Variants in FAM169A observed in about 807,000 individuals in gnomAD.
FAM169A encodes the protein family with sequence similarity 169 member A.
Under a neutral mutation model 75.7 loss-of-function variants are expected in FAM169A, and 24 were observed. The observed-to-expected ratio is 0.32, with a 90% CI of 0.23 to 0.45. FAM169A has a LOEUF of 0.45. Ranked by LOEUF, FAM169A falls within the 20% of genes least tolerant of loss-of-function variation. FAM169A has a pLI of 1.00. For missense variants in FAM169A, 673 were observed against 784.0 expected (o/e 0.86, Z 1.69); for synonymous variants, 271 against 271.0 (o/e 1.00, Z 0.00).
chr5:74,832,519 ATCT>A (rs1460329616), intron 5 of FAM169A, among the ~76,000 whole-genome samples: 8 of 151,538 alleles, frequency 5.3e-5, no homozygotes, highest in South Asian at 2.1e-4. Context: ...TCAACTACAA[ATCT>A]TCTTAATAAA....
chr5:74,836,362 A>G (rs1748574510), intron 4 of FAM169A, among the ~76,000 whole-genome samples: 1 of 152,150 alleles, frequency 6.6e-6, no homozygotes, highest in East Asian at 1.9e-4. Context: ...TAGCTCCTCC[A>G]TTCAGCACAG....
chr5:74,828,784 T>C (rs1342525432), intron 5 of FAM169A, among the ~76,000 whole-genome samples: 1 of 152,238 alleles, frequency 6.6e-6, no homozygotes, highest in Non-Finnish European at 1.5e-5. Context: ...CACTTCGTCA[T>C]GTGGGATTTA....
intron 11 of FAM169A, among the ~76,000 whole-genome samples, chr5:74,794,720 A>G (rs956011149): frequency 1.3e-5 from 2 of 149,200 alleles, no homozygotes; most frequent in Non-Finnish European, 3.0e-5. Flanking sequence ...CAGAGCTTGC[A>G]GTGAGCCGAG....
intron 5 of FAM169A, among the ~76,000 whole-genome samples, chr5:74,818,769 A>AGCTC: frequency 7.8e-6 from 1 of 128,308 alleles, no homozygotes; most frequent in Middle Eastern, 3.8e-3. Flanking sequence ...ACGGTTTCAC[A>AGCTC]GCTCTCTCTC....
At chr5:74,795,151 G>A (rs1322875649) in intron 11 of FAM169A, among the ~76,000 whole-genome samples, 2 of 151,680 alleles carry the variant, frequency 1.3e-5, no homozygotes, top group Non-Finnish European at 2.9e-5. Flanking sequence ...CCAGCTACTT[G>A]GAAGACTGAG....
Position 74,783,139 on chromosome 5 carries a change from AC to A in FAM169A, c.1261-6del. ...CATAGGCTCTAATTCAGATTCCTAC[AC>A]CATGAGGAGAGAGGGAAAAAGTAAG... On this transcript the variant is annotated splice_polypyrimidine_tract_variant and splice_region_variant and intron_variant, in intron 11 of 12. Transcript: ENST00000687041. The A allele has an allele frequency of 6.3e-7, 1 of 1,599,792 alleles. No individual in the cohort carries two copies. The highest frequency in any genetic ancestry group is 8.5e-7 in the Non-Finnish European group (1 of 1,170,372).
intron 5 of FAM169A, among the ~76,000 whole-genome samples, chr5:74,824,050 G>A (rs141732247): frequency 7.9e-5 from 12 of 152,194 alleles, no homozygotes; most frequent in Admixed American, 2.0e-4. Context: ...GAAAGCTGAC[G>A]AGTAAATGTG....
In FAM169A at chr5:74,781,440, T is replaced by C. The variant is rs768617020; in HGVS notation, c.*20A>G. 1.1e-5 allele frequency: 18 copies of C among 1,595,230 alleles called. No individual in the cohort carries two copies. The highest frequency in any genetic ancestry group is 1.4e-5 in the Non-Finnish European group (16 of 1,166,796). ...ACTATGTTACAAAGAAGAGGATTTA[T>C]CATCCACTTTCTTCTTCCTTCAGGT... is the stretch of plus-strand genomic sequence containing the variant. On this transcript the variant is annotated 3_prime_UTR_variant, in exon 13 of 13. Transcript: ENST00000687041.
rs767613853 is a variant in FAM169A at position 74,841,641 on chromosome 5, G to A, written c.36C>T (p.Ser12=). 8.7e-6 allele frequency: 14 copies of A among 1,612,508 alleles called. No homozygotes were observed. The highest frequency in any genetic ancestry group is 1.2e-5 in the Non-Finnish European group (14 of 1,179,054). The change falls in exon 2 of 13, where the codon AGC becomes AGT. Residue 12 remains serine, a synonymous_variant. Transcript: ENST00000687041. ...CAGCAGAATTTTCCAATTCCTCATG[G>A]CTGCAATTTTCCAGCATATCCACAG... ...AFPVDMLENC[S]HEELENSAED... is the part of the protein sequence containing the mutation.
In FAM169A at chr5:74,783,146, G is replaced by A. The variant is rs1351803879; in HGVS notation, c.1261-12C>T. ...TCTAATTCAGATTCCTACACCATGA[G>A]GAGAGAGGGAAAAAGTAAGGACATG... On this transcript the variant is annotated splice_polypyrimidine_tract_variant and intron_variant, in intron 11 of 12. Transcript: ENST00000687041. 1.3e-6 allele frequency: 2 copies of A among 1,584,972 alleles called. No individual in the cohort carries two copies. The highest frequency in any genetic ancestry group is 1.4e-5 in the African/African-American group (1 of 73,900).
Position 74,778,627 on chromosome 5 carries a change from T to C in FAM169A, c.*2833A>G, listed in dbSNP as rs556702373. On this transcript the variant is annotated 3_prime_UTR_variant, in exon 13 of 13. Transcript: ENST00000687041. ...AAATCATAATAGACCCTCTCACCTT[T>C]AAAAGTTGTAGAGGAGCTTTATAAT... 2.4e-4 allele frequency: 36 copies of C among 152,192 alleles called. No homozygotes were observed. Among genetic ancestry groups the C allele is most frequent in the African/African-American group, 8.4e-4 (35 of 41,578 alleles). 9.4% of individuals were successfully genotyped at this position (152,192 alleles called of 1,614,324 possible).
intron 5 of FAM169A, among the ~76,000 whole-genome samples, chr5:74,829,949 C>T (rs1315517640): frequency 6.6e-6 from 1 of 151,984 alleles, no homozygotes; most frequent in Non-Finnish European, 1.5e-5. Flanking sequence ...CTCCAGCCAG[C>T]CTGGTGACAG....
chr5:74,822,351 A>G (rs1747806516), intron 5 of FAM169A, among the ~76,000 whole-genome samples: 1 of 152,228 alleles, frequency 6.6e-6, no homozygotes, highest in Non-Finnish European at 1.5e-5. Context: ...ATGTAGTTGT[A>G]ACAGTGACTG....
intron 5 of FAM169A, among the ~76,000 whole-genome samples, chr5:74,829,789 C>T (rs995136729): frequency 2.6e-5 from 4 of 152,184 alleles, no homozygotes; most frequent in African/African-American, 7.2e-5. Flanking sequence ...GCTTGACCAA[C>T]ATGGTGAAAC....
At chr5:74,857,406 C>T (rs1749766787) in intron 1 of FAM169A, among the ~76,000 whole-genome samples, 1 of 151,216 alleles carries the variant, frequency 6.6e-6, no homozygotes, top group Admixed American at 6.6e-5. Context: ...CAAAAAATTA[C>T]AGGCCATGGT....
chr5:74,785,060 G>C (rs532947391), intron 11 of FAM169A, among the ~76,000 whole-genome samples: 1 of 151,940 alleles, frequency 6.6e-6, no homozygotes, highest in South Asian at 2.1e-4. Context: ...CGTGGCTCAC[G>C]CCTATAATCC....
At chr5:74,815,706 A>G (rs527848790) in intron 5 of FAM169A, among the ~76,000 whole-genome samples, 10 of 152,304 alleles carry the variant, frequency 6.6e-5, no homozygotes, top group African/African-American at 2.2e-4. Context: ...CACAAGATGC[A>G]GGTCATAAAC....
chr5:74,847,227 T>C (rs549132186), intron 1 of FAM169A, among the ~76,000 whole-genome samples: 17 of 152,260 alleles, frequency 1.1e-4, no homozygotes, highest in Middle Eastern at 3.4e-3. Context: ...AGCACCACTA[T>C]CCATTTCCAG....
intron 5 of FAM169A, among the ~76,000 whole-genome samples, chr5:74,831,706 G>A (rs1405110299): frequency 1.3e-5 from 2 of 152,110 alleles, no homozygotes; most frequent in African/African-American, 4.8e-5. Context: ...TTCAATCTGT[G>A]TATTTTCAAA....
Sources: allele counts gnomAD v4.1 joint callset (sites outside exome capture counted in the v4.1 genomes callset), GRCh38; gene constraint gnomAD v4.1.1; transcripts MANE v1.5; gene names NCBI Gene and HGNC (gene_info 2026-07-23, HGNC 2026-07-21).